The following PKD1L3 variants were observed in gnomAD, a reference collection of about 807,000 sequenced individuals.
The protein encoded by PKD1L3 is polycystin 1 like 3, transient receptor potential channel interacting, also known as polycystin-1-like protein 3.
Under a neutral mutation model 184.1 loss-of-function variants are expected in PKD1L3, and 239 were observed. The ratio of observed to expected loss-of-function variants is 1.30; its 90% CI spans 1.17 to 1.45. The LOEUF (loss-of-function observed/expected upper bound fraction) is 1.45, where lower values mean the gene tolerates loss of function less well. Ranked by LOEUF, PKD1L3 falls within the 40% of genes most tolerant of loss-of-function variation. The probability of loss-of-function intolerance (pLI) is 0.00; values close to 1 mark genes in which losing one functional copy is unlikely to be tolerated. For missense variants in PKD1L3, 2,660 were observed against 2,067.2 expected, an observed-to-expected ratio of 1.29 and a Z score of -5.56; for synonymous variants, 996 against 778.8, an observed-to-expected ratio of 1.28 and a Z score of -4.64.
intron 9 of PKD1L3, among the ~76,000 whole-genome samples, chr16:71,979,446 C>T (rs1294844472): frequency 2.0e-5 from 3 of 146,922 alleles, no homozygotes; most frequent in Non-Finnish European, 4.5e-5. Flanking sequence ...TCCATCTCAA[C>T]AAAACAAAAC....
Position 71,977,295 on chromosome 16 carries a change from G to C in PKD1L3, c.1700C>G (p.Pro567Arg). Residue 567 changes from proline to arginine, a missense_variant, in exon 11 of 30, where the codon CCT (proline) becomes CGT (arginine). Transcript: ENST00000620267. ...GTTCAGGTGGAAGTGAGTGCAGTTA[G>C]GCTGATACTGGAACCCCAGGTAGAG... Reference protein sequence around the residue: ...MTLYLGFQYQPNCTHFHLNIT... With the variant: ...MTLYLGFQYQRNCTHFHLNIT... 1 of 1,542,548 alleles carries C rather than the reference G, an allele frequency of 6.5e-7. No individual in the cohort carries two copies. Among genetic ancestry groups the C allele is most frequent in the Non-Finnish European group, 8.8e-7 (1 of 1,138,736 alleles).
At chr16:71,938,853 A>G (rs2038268452) in intron 24 of PKD1L3, among the ~76,000 whole-genome samples, 1 of 152,232 alleles carries the variant, frequency 6.6e-6, no homozygotes, top group South Asian at 2.1e-4. Context: ...TCCAGTTGTC[A>G]GTGTACCTCA....
rs1347013215 is a variant in PKD1L3, at chr16:71,930,183, C to T, written c.4927G>A (p.Val1643Ile). The T allele has an allele frequency of 3.2e-6, 5 of 1,538,616 alleles. No individual in the cohort carries two copies. Among genetic ancestry groups the T allele is most frequent in the Non-Finnish European group, 4.4e-6 (5 of 1,142,152 alleles). Reference protein sequence around the residue: ...LLMGISHQEEVFALDPVLGTF... With the variant: ...LLMGISHQEEIFALDPVLGTF... ...CCCAGGACTGGGTCTAAAGCGAAAA[C>T]CTGGGAAAACAATAAGAACACTTGC... Residue 1643 changes from valine to isoleucine, a missense_variant and splice_region_variant, in exon 29 of 30, where the codon GTT becomes ATT. Transcript: ENST00000620267.
chr16:71,990,929 C>A (rs189339838), intron 3 of PKD1L3, among the ~76,000 whole-genome samples: 120 of 152,114 alleles, frequency 7.9e-4, no homozygotes, highest in Non-Finnish European at 1.4e-3. Flanking sequence ...CTTAATAGAA[C>A]GAAAAAGGTT....
rs780304042 is a variant in PKD1L3 at position 71,942,742 on chromosome 16, C to T, written c.4142G>A (p.Gly1381Asp). Reference sequence around the variant, plus strand: ...GCCGTTATCACAAAACGCCAGCTGACCTTCGTCCACTTTCTCATAGGTCTT... The same window carrying T: ...GCCGTTATCACAAAACGCCAGCTGATCTTCGTCCACTTTCTCATAGGTCTT... ...RTKTYEKVDE[G>D]QLAFCDNGHT... The change falls in exon 24 of 30, where the codon GGT (glycine) becomes GAT (aspartate). Residue 1381 changes from glycine (G) to aspartate (D), a missense_variant. Physicochemically the swap from Gly to Asp is moderately conservative, Grantham distance 94 (BLOSUM62 -1). Coordinates refer to ENST00000620267, the MANE Select transcript of PKD1L3 (RefSeq NM_181536.2). 5.8e-6 allele frequency: 9 copies of T among 1,551,718 alleles called. No homozygotes were observed. The highest frequency in any genetic ancestry group is 2.4e-5 in the South Asian group (2 of 84,064).
intron 8 of PKD1L3, 26 bp from the exon 9 acceptor site, chr16:71,979,938 T>A (rs752559916): frequency 6.5e-7 from 1 of 1,550,184 alleles, no homozygotes; most frequent in Non-Finnish European, 8.7e-7. Flanking sequence ...AAAATGGAAG[T>A]CAATTTTTGT....
intron 24 of PKD1L3, among the ~76,000 whole-genome samples, chr16:71,941,113 T>A (rs2038344651): frequency 6.6e-6 from 1 of 151,966 alleles, no homozygotes; most frequent in Non-Finnish European, 1.5e-5. Flanking sequence ...GCTGGGATTA[T>A]AGGCTTGAGA....
At chr16:71,995,945 G>A (rs9925225) in intron 2 of PKD1L3, among the ~76,000 whole-genome samples, 1 of 152,110 alleles carries the variant, frequency 6.6e-6, no homozygotes, top group African/African-American at 2.4e-5. Context: ...AATCTGATAG[G>A]TGGGAAAGGG....
intron 4 of PKD1L3, among the ~76,000 whole-genome samples, chr16:71,988,014 T>G (rs1414753584): frequency 6.6e-6 from 1 of 152,024 alleles, no homozygotes. Context: ...TTGAAGGGAA[T>G]GCAGATGTTA....
At chr16:71,972,960 C>G (rs1256985197) in intron 12 of PKD1L3, among the ~76,000 whole-genome samples, 1 of 152,220 alleles carries the variant, frequency 6.6e-6, no homozygotes, top group Non-Finnish European at 1.5e-5. Flanking sequence ...GAATGTATTT[C>G]TTGAGCTATG....
intron 4 of PKD1L3, among the ~76,000 whole-genome samples, chr16:71,986,913 G>GTTTTT: frequency 9.5e-6 from 1 of 105,674 alleles, no homozygotes; most frequent in African/African-American, 6.1e-5. Flanking sequence ...GTAAGGAGAG[G>GTTTTT]ATTTTTTTTT....
intron 16 of PKD1L3, among the ~76,000 whole-genome samples, chr16:71,958,333 G>C (rs1210308175): frequency 6.9e-6 from 1 of 144,082 alleles, no homozygotes; most frequent in African/African-American, 2.6e-5. Context: ...CTTGCAGTGA[G>C]CCGAGATCCC....
In PKD1L3 at chr16:71,933,911, T is replaced by G. The variant is rs138770588; in HGVS notation, c.4824+4A>C. 4 of 1,550,566 alleles carry G rather than the reference T, an allele frequency of 2.6e-6. No individual in the cohort carries two copies. In the East Asian group the frequency reaches 7.3e-5, roughly 28 times the overall value. On this transcript the variant is annotated splice_donor_region_variant and intron_variant, in intron 27 of 29. Transcript: ENST00000620267. Reference sequence around the variant, plus strand: ...GAAGGAGAGACAGCAACGTGGGGGCTTACGGCAATGGCATAGCCTGTCAGC... The same window carrying G: ...GAAGGAGAGACAGCAACGTGGGGGCGTACGGCAATGGCATAGCCTGTCAGC...
chr16:71,959,266 C>T (rs58609735), intron 16 of PKD1L3, among the ~76,000 whole-genome samples: 1 of 151,628 alleles, frequency 6.6e-6, no homozygotes, highest in Admixed American at 6.6e-5. Flanking sequence ...CAAAATTAGT[C>T]GGGCATGGTG....
intron 15 of PKD1L3, among the ~76,000 whole-genome samples, chr16:71,966,738 C>T (rs1026823163): frequency 1.3e-5 from 2 of 152,180 alleles, no homozygotes. Context: ...TGCCCTTAAG[C>T]TCTTAAATTT....
In PKD1L3 at chr16:71,999,841, T is replaced by C; in HGVS notation, c.138A>G (p.Glu46=). 6.4e-7 allele frequency: 1 copy of C among 1,551,744 alleles called. No homozygotes were observed. Among genetic ancestry groups the C allele is most frequent in the Non-Finnish European group, 8.7e-7 (1 of 1,147,004 alleles). ...TCTGCACATGACAGTAATGCTGTGC[T>C]TCCTCAAAGCTGCATTGAAATCTGT... is the stretch of plus-strand genomic sequence containing the variant. The part of the protein sequence containing the change: ...QLNRFQCSFE[E]AQHYCHVQRG... The change falls in exon 1 of 30, where the codon GAA becomes GAG. Residue 46 remains glutamate (E), a synonymous_variant. Coordinates refer to ENST00000620267, the MANE Select transcript of PKD1L3 (RefSeq NM_181536.2).
At position 71,952,124 on chromosome 16, in the gene PKD1L3, A is replaced by T. The variant is rs143805364; in HGVS notation, c.3010-380T>A. 5.2e-3 allele frequency among the ~76,000 whole-genome samples: 789 copies of T among 151,436 alleles called. 7 individuals carry two copies. Among genetic ancestry groups the T allele is most frequent in the Non-Finnish European group, 5.8e-3 (397 of 67,864 alleles). ...TTGGGAAAAATATATTACAGGTAAC[A>T]GGACCCTGACAGCCTCCCATGAGAT... On this transcript the variant is annotated intron_variant, in intron 18 of 29. Transcript: ENST00000620267.
intron 4 of PKD1L3, among the ~76,000 whole-genome samples, chr16:71,989,605 A>G (rs2040510506): frequency 6.6e-6 from 1 of 152,188 alleles, no homozygotes; most frequent in Non-Finnish European, 1.5e-5. Context: ...AATTTTATAG[A>G]TTATGTGGAC....
intron 26 of PKD1L3, among the ~76,000 whole-genome samples, chr16:71,935,063 C>T (rs2038126467): frequency 6.6e-6 from 1 of 152,246 alleles, no homozygotes; most frequent in Admixed American, 6.5e-5. Flanking sequence ...GGCTTTATGC[C>T]TTCGCCAGAG....
Sources: gnomAD v4.1 joint callset for allele counts (sites outside exome capture counted in the v4.1 genomes callset) on GRCh38, gnomAD v4.1.1 for gene constraint, MANE v1.5 for transcripts, NCBI Gene and HGNC (gene_info 2026-07-23, HGNC 2026-07-21) for gene names.